CYP2C18: variants seen among roughly 807,000 people sequenced by gnomAD.
The protein encoded by CYP2C18 is cytochrome P450 2C18.
In CYP2C18, 38 loss-of-function variants were observed where a neutral mutation model predicts 41.3. The ratio of observed to expected loss-of-function variants is 0.92; its 90% CI spans 0.71 to 1.21. The LOEUF is 1.21. Among genes scored for constraint, CYP2C18 ranks in the 50% most tolerant of loss-of-function variants. The pLI is 0.00. For missense variants in CYP2C18, 635 were observed against 591.4 expected, an observed-to-expected ratio of 1.07 and a Z score of -0.77; for synonymous variants, 236 against 210.0, an observed-to-expected ratio of 1.12 and a Z score of -1.07.
intron 2 of CYP2C18, 28 bp downstream of exon 2, chr10:94,687,960 G>A: frequency 6.2e-7 from 1 of 1,610,432 alleles, no homozygotes; most frequent in Non-Finnish European, 8.5e-7. Context: ...GTGTGTATGT[G>A]TACATGTGTA....
Position 94,683,766 on chromosome 10 carries a change from TA to T in CYP2C18, c.-50del. 7.0e-7 allele frequency: 1 copy of T among 1,429,396 alleles called. No individual in the cohort carries two copies. Among genetic ancestry groups the T allele is most frequent in the Non-Finnish European group, 9.4e-7 (1 of 1,062,288 alleles). 88.5% of individuals were successfully genotyped at this position (1,429,396 alleles called of 1,614,324 possible). A position where few individuals can be genotyped will look rare whatever the true frequency, so the allele number is the denominator to read the frequency against. ...ACAGGTGGATTAGTAGGGAGTGTTATAAAAGCCTTGAAGTGAAAGCCCGCAG... is the reference window on the plus strand; with the variant it reads ...ACAGGTGGATTAGTAGGGAGTGTTATAAAGCCTTGAAGTGAAAGCCCGCAG... On this transcript the variant is annotated 5_prime_UTR_variant, in exon 1 of 9. Coordinates refer to ENST00000285979, the MANE Select transcript of CYP2C18 (RefSeq NM_000772.3).
At chr10:94,721,757 A>G (rs552945751) in intron 6 of CYP2C18, among the ~76,000 whole-genome samples, 1 of 152,230 alleles carries the variant, frequency 6.6e-6, no homozygotes, top group South Asian at 2.1e-4. Context: ...AATGGCTTCT[A>G]GTTCCATCCA....
In CYP2C18 at chr10:94,705,199, A is replaced by G. The variant is rs149935529; in HGVS notation, c.643-1585A>G. ...TGTAGCCATAAAAAGGAATGAGATT[A>G]TGTCCTTTGCAGGGACACAGATGGA... On this transcript the variant is annotated intron_variant, in intron 4 of 8. Coordinates refer to ENST00000285979, the MANE Select transcript of CYP2C18 (RefSeq NM_000772.3). Among the ~76,000 whole-genome samples, 1,082 of 152,316 alleles carry G rather than the reference A, an allele frequency of 7.1e-3. 7 individuals carry two copies. The highest frequency in any genetic ancestry group is 0.011 in the Non-Finnish European group (737 of 68,034).
chr10:94,709,141 C>T (rs1041017869), intron 5 of CYP2C18, among the ~76,000 whole-genome samples: 15 of 152,064 alleles, frequency 9.9e-5, no homozygotes, highest in African/African-American at 2.7e-4. Context: ...TTGGAGAAAC[C>T]GTGGCTGGAT....
At chr10:94,715,107 C>A (rs1381599569) in intron 5 of CYP2C18, among the ~76,000 whole-genome samples, 2 of 152,144 alleles carry the variant, frequency 1.3e-5, no homozygotes, top group Admixed American at 6.5e-5. Flanking sequence ...TCTAAATATA[C>A]AATCATGTCA....
At chr10:94,714,121 T>G (rs565184811) in intron 5 of CYP2C18, among the ~76,000 whole-genome samples, 98 of 152,246 alleles carry the variant, frequency 6.4e-4, no homozygotes, top group African/African-American at 2.2e-3. Context: ...CTCTCATTCT[T>G]TAGGTTGCCT....
intron 1 of CYP2C18, among the ~76,000 whole-genome samples, chr10:94,687,494 C>G (rs184598934): frequency 6.6e-6 from 1 of 152,262 alleles, no homozygotes; most frequent in African/African-American, 2.4e-5. Flanking sequence ...CTTTAAAATA[C>G]AATCTGTCTT....
intron 7 of CYP2C18, among the ~76,000 whole-genome samples, chr10:94,732,924 C>G (rs761956691): frequency 1.3e-5 from 2 of 152,052 alleles, no homozygotes; most frequent in Non-Finnish European, 1.5e-5. Flanking sequence ...ATGTAACAGT[C>G]CTGCAAACAA....
At chr10:94,723,526 T>C (rs1847682582) in intron 6 of CYP2C18, among the ~76,000 whole-genome samples, 1 of 152,132 alleles carries the variant, frequency 6.6e-6, no homozygotes, top group Non-Finnish European at 1.5e-5. Flanking sequence ...GACACACAAG[T>C]CCAAGAATAT....
chr10:94,698,293 G>A lies in CYP2C18; in HGVS notation c.642+3216G>A, dbSNP rs1372686762. ...TATAACAAACTGTCTCTCAGACCATGGTGCAATCAAACTAGAACTCAGGAT... is the reference window on the plus strand; with the variant it reads ...TATAACAAACTGTCTCTCAGACCATAGTGCAATCAAACTAGAACTCAGGAT... On this transcript the variant is annotated intron_variant, in intron 4 of 8. Coordinates refer to ENST00000285979, the MANE Select transcript of CYP2C18 (RefSeq NM_000772.3). Among the ~76,000 whole-genome samples the A allele has an allele frequency of 2.6e-5, 4 of 152,134 alleles. No homozygotes were observed. In the South Asian group the frequency reaches 8.3e-4, roughly 32 times the overall value.
chr10:94,701,646 C>G lies in CYP2C18; in HGVS notation c.643-5138C>G, dbSNP rs185948994. 5.3e-4 allele frequency among the ~76,000 whole-genome samples: 81 copies of G among 152,168 alleles called. 1 individual carries two copies. Among genetic ancestry groups the G allele is most frequent in the African/African-American group, 1.8e-3 (76 of 41,554 alleles). On this transcript the variant is annotated intron_variant, in intron 4 of 8. Transcript: ENST00000285979. ...AAAATAATTAAAAAAAGAAATTCCT[C>G]TCCACCTCTACCACACAGTCTCAGA... is the stretch of plus-strand genomic sequence containing the variant.
chr10:94,730,015 C>T (rs1431353852), intron 7 of CYP2C18, among the ~76,000 whole-genome samples: 1 of 152,108 alleles, frequency 6.6e-6, no homozygotes, highest in African/African-American at 2.4e-5. Context: ...AGTTTTTGCT[C>T]CTGTAACAAT....
chr10:94,700,776 A>C (rs909538677), intron 4 of CYP2C18, among the ~76,000 whole-genome samples: 6 of 152,238 alleles, frequency 3.9e-5, no homozygotes, highest in African/African-American at 1.4e-4. Context: ...CTAATTTACA[A>C]GAAAAAAAGA....
rs1386177852 is a variant in CYP2C18 at position 94,723,652 on chromosome 10, CTA to C, written c.962-693_962-692del. ...ATGTGATATAAATACATTGGGGAAA[CTA>C]GAGTGGGGGAAGTGTGAATGTGTGT... On this transcript the variant is annotated intron_variant, in intron 6 of 8. Transcript: ENST00000285979. Among the ~76,000 whole-genome samples, 3 of 151,918 alleles carry C rather than the reference CTA, an allele frequency of 2.0e-5. No individual in the cohort carries two copies. In the South Asian group the frequency reaches 6.2e-4, roughly 32 times the overall value.
At chr10:94,702,704 A>G (rs1260754459) in intron 4 of CYP2C18, among the ~76,000 whole-genome samples, 1 of 151,878 alleles carries the variant, frequency 6.6e-6, no homozygotes, top group East Asian at 1.9e-4. Flanking sequence ...GGAGTTTGTT[A>G]TTACACATCT....
intron 4 of CYP2C18, among the ~76,000 whole-genome samples, chr10:94,705,010 T>C (rs1052539817): frequency 2.1e-5 from 3 of 145,714 alleles, no homozygotes; most frequent in African/African-American, 8.5e-5. Flanking sequence ...AGAAACATAA[T>C]TTTTTGCAAG....
chr10:94,684,362 C>T (rs1454402887), intron 1 of CYP2C18, among the ~76,000 whole-genome samples: 1 of 152,154 alleles, frequency 6.6e-6, no homozygotes, highest in African/African-American at 2.4e-5. Context: ...CCCATCTCCA[C>T]CTGCCAGCCT....
At chr10:94,692,589 T>C (rs574240064) in intron 3 of CYP2C18, among the ~76,000 whole-genome samples, 13 of 152,106 alleles carry the variant, frequency 8.5e-5, no homozygotes, top group Non-Finnish European at 1.6e-4. Context: ...TAAACTAGTT[T>C]AACCATTGTG....
chr10:94,706,593 C>T (rs2134190750), intron 4 of CYP2C18, among the ~76,000 whole-genome samples, 191 bp from the exon 5 acceptor site: 1 of 152,002 alleles, frequency 6.6e-6, no homozygotes, highest in South Asian at 2.1e-4. Context: ...ATCTTTGATC[C>T]CTTGTTCAGA....
Sources: allele counts gnomAD v4.1 joint callset (sites outside exome capture counted in the v4.1 genomes callset), GRCh38; gene constraint gnomAD v4.1.1; transcripts MANE v1.5; gene names NCBI Gene and HGNC (gene_info 2026-07-23, HGNC 2026-07-21).